The following CREB5 variants were observed in gnomAD, a reference collection of about 807,000 sequenced individuals.
CREB5 encodes the protein cyclic AMP-responsive element-binding protein 5.
A neutral mutation model predicts 57.1 loss-of-function variants in CREB5; 19 were observed. That is an observed-to-expected ratio of 0.33 (90% confidence interval 0.23 to 0.49). The LOEUF is 0.49. Among genes scored for constraint, CREB5 ranks in the 20% least tolerant of loss-of-function variants. The probability of loss-of-function intolerance (pLI) is 0.99; values close to 1 mark genes in which losing one functional copy is unlikely to be tolerated. For synonymous variants in CREB5, 238 were observed against 238.3 expected (o/e 1.00, Z 0.01); for missense variants, 579 against 671.6 (o/e 0.86, Z 1.52).
In CREB5 at chr7:28,711,000, G is replaced by A. The variant is rs189314859; in HGVS notation, c.465-7753G>A. 3.9e-5 allele frequency among the ~76,000 whole-genome samples: 6 copies of A among 152,306 alleles called. No individual in the cohort carries two copies. The East Asian group carries it at 7.7e-4, about 20-fold the overall frequency. Reference sequence around the variant, plus strand: ...AGGTTTTGTGGCAGGAAGACAGATGGCGCTTCCATGAAGGTGAAAGGAAAT... The same window carrying A: ...AGGTTTTGTGGCAGGAAGACAGATGACGCTTCCATGAAGGTGAAAGGAAAT... On this transcript the variant is annotated intron_variant, in intron 5 of 10. Transcript: ENST00000357727.
chr7:28,623,665 G>C (rs986999854), intron 5 of CREB5, among the ~76,000 whole-genome samples: 1 of 152,162 alleles, frequency 6.6e-6, no homozygotes. Context: ...TCTCAGTGAG[G>C]AACTTTCTTT....
At chr7:28,745,270 G>A (rs1804627579) in intron 7 of CREB5, among the ~76,000 whole-genome samples, 2 of 152,186 alleles carry the variant, frequency 1.3e-5, no homozygotes, top group Non-Finnish European at 2.9e-5. Context: ...ACAGGCTGGG[G>A]GAAGGAATAC....
chr7:28,498,899 A>G (rs1052024378), intron 3 of CREB5, among the ~76,000 whole-genome samples: 6 of 152,208 alleles, frequency 3.9e-5, no homozygotes, highest in African/African-American at 1.4e-4. Context: ...TTTCATAGTA[A>G]GGGAAGTTGT....
At chr7:28,711,140 G>A (rs2128743072) in intron 5 of CREB5, among the ~76,000 whole-genome samples, 1 of 152,294 alleles carries the variant, frequency 6.6e-6, no homozygotes, top group East Asian at 1.9e-4. Flanking sequence ...GGGCTTACTG[G>A]TCTCCCTGAT....
intron 5 of CREB5, among the ~76,000 whole-genome samples, chr7:28,650,434 C>A (rs1320378590): frequency 6.6e-6 from 1 of 152,070 alleles, no homozygotes; most frequent in Non-Finnish European, 1.5e-5. Context: ...AATTGTGTGG[C>A]CATTTCCATT....
intron 7 of CREB5, among the ~76,000 whole-genome samples, chr7:28,728,065 C>A (rs1273972719): frequency 6.6e-6 from 1 of 152,126 alleles, no homozygotes; most frequent in Admixed American, 6.6e-5. Flanking sequence ...TCCACCTCAG[C>A]CTCCTGAGTA....
chr7:28,399,280 GAA>G (rs5883127), intron 1 of CREB5, among the ~76,000 whole-genome samples: 7,979 of 148,618 alleles, frequency 0.054, 669 homozygotes, highest in African/African-American at 0.17. Context: ...AGACAAATTG[GAA>G]AAAAAAAAAT....
chr7:28,397,812 CATT>C (rs1246619894), intron 1 of CREB5, among the ~76,000 whole-genome samples: 1 of 152,140 alleles, frequency 6.6e-6, no homozygotes, highest in Admixed American at 6.5e-5. Flanking sequence ...AAGCCAGTAT[CATT>C]GTCATCTCTT....
At chr7:28,416,908 T>G (rs73295198) in intron 1 of CREB5, among the ~76,000 whole-genome samples, 3,512 of 152,292 alleles carry the variant, frequency 0.023, 159 homozygotes, top group African/African-American at 0.08. Flanking sequence ...GAGATATTTT[T>G]CCATAAGGAA....
rs537803533 is a variant in CREB5 at position 28,324,847 on chromosome 7, G to T, written c.-25+25406G>T. Among the ~76,000 whole-genome samples the T allele has an allele frequency of 3.9e-5, 6 of 152,234 alleles. No individual in the cohort carries two copies. The South Asian group carries it at 1.2e-3, about 32-fold the overall frequency. ...ATACTTTCTTTCCCTCCCAAATCTG[G>T]TTCTTTCACAATCATCCTATCTCAG... On this transcript the variant is annotated intron_variant, in intron 1 of 9. Coordinates refer to the CREB5 transcript ENST00000396299.
chr7:28,472,742 G>A (rs1438226328), intron 1 of CREB5, among the ~76,000 whole-genome samples: 1 of 152,176 alleles, frequency 6.6e-6, no homozygotes, highest in East Asian at 1.9e-4. Flanking sequence ...TGGGGATGGA[G>A]GAACAGGTAC....
intron 5 of CREB5, among the ~76,000 whole-genome samples, chr7:28,624,749 A>G (rs1025164760): frequency 1.1e-4 from 16 of 151,314 alleles, no homozygotes; most frequent in African/African-American, 3.6e-4. Flanking sequence ...TTACTCGCTG[A>G]ACTTCTGTTA....
intron 1 of CREB5, among the ~76,000 whole-genome samples, chr7:28,329,278 C>A (rs886373595): frequency 6.6e-6 from 1 of 152,118 alleles, no homozygotes; most frequent in Non-Finnish European, 1.5e-5. Flanking sequence ...TGGCATCATG[C>A]GCTTCATCAC....
rs1808578747 is a variant in CREB5, at chr7:28,804,474, T to A, written c.978T>A (p.His326Gln). ...SHSHLHAHPA[H>Q]HQTSPHPPLH... The stretch of plus-strand genomic sequence containing the variant: ...CCCACCTTCATGCACACCCAGCACA[T>A]CACCAGACCTCGCCACATCCGCCCC... The change falls in exon 8 of 11, where the codon CAT becomes CAA. Residue 326 changes from histidine to glutamine, a missense_variant. This residue lies in a region of CREB5 where 459 missense variants were observed against 515.7 expected (regional missense o/e 0.89). Coordinates refer to ENST00000357727, the MANE Select transcript of CREB5 (RefSeq NM_182898.4). 1.9e-6 allele frequency: 3 copies of A among 1,613,904 alleles called. No individual in the cohort carries two copies. The South Asian group carries it at 3.3e-5, about 18-fold the overall frequency.
chr7:28,341,435 G>T (rs2127988873), intron 1 of CREB5, among the ~76,000 whole-genome samples: 1 of 152,152 alleles, frequency 6.6e-6, no homozygotes, highest in East Asian at 1.9e-4. Flanking sequence ...TCTATGTTAG[G>T]GATTGTAGTG....
At chr7:28,357,643 G>A (rs1027985129) in intron 1 of CREB5, among the ~76,000 whole-genome samples, 7 of 152,162 alleles carry the variant, frequency 4.6e-5, no homozygotes, top group East Asian at 3.9e-4. Flanking sequence ...TTAGAGATGC[G>A]TGACTTCGTG....
intron 2 of CREB5, among the ~76,000 whole-genome samples, chr7:28,490,497 G>A (rs1583530020): frequency 6.6e-6 from 1 of 152,216 alleles, no homozygotes; most frequent in Non-Finnish European, 1.5e-5. Context: ...GGAAGGGGCT[G>A]TAAGCCATAT....
intron 5 of CREB5, among the ~76,000 whole-genome samples, chr7:28,666,463 TTTCCTGA>T (rs1300907703): frequency 6.6e-6 from 1 of 152,204 alleles, no homozygotes; most frequent in African/African-American, 2.4e-5. Context: ...ATCACTTTCC[TTTCCTGA>T]TGTTAACGGA....
intron 5 of CREB5, among the ~76,000 whole-genome samples, chr7:28,628,953 A>T (rs545916863): frequency 2.0e-5 from 3 of 152,124 alleles, no homozygotes; most frequent in African/African-American, 4.8e-5. Context: ...CAAACTTCCA[A>T]TGCCCCTTCT....
Sources: gnomAD v4.1 joint callset for allele counts (sites outside exome capture counted in the v4.1 genomes callset) on GRCh38, gnomAD v4.1.1 for gene constraint, gnomAD v4.1.1 regional missense constraint, MANE v1.5 for transcripts, NCBI Gene and HGNC (gene_info 2026-07-23, HGNC 2026-07-21) for gene names.